The following RSPH14 variants were observed in gnomAD, a reference collection of about 807,000 sequenced individuals.
The protein encoded by RSPH14 is rhabdoid tumor deletion region gene 1.
Under a neutral mutation model 26.7 loss-of-function variants are expected in RSPH14, and 20 were observed. The ratio of observed to expected loss-of-function variants is 0.75; its 90% confidence interval spans 0.53 to 1.09. RSPH14 has a LOEUF of 1.09. Ranked by LOEUF, RSPH14 falls within the 50% of genes least tolerant of loss-of-function variation. The pLI is 0.00. For synonymous variants in RSPH14, 177 were observed against 189.3 expected, an observed-to-expected ratio of 0.93 and a Z score of 0.53; for missense variants, 449 against 457.2, an observed-to-expected ratio of 0.98 and a Z score of 0.16.
the RSPH14 span, among the ~76,000 whole-genome samples, chr22:23,150,334 C>G: frequency 6.9e-6 from 1 of 145,468 alleles, no homozygotes; most frequent in Admixed American, 6.9e-5. Flanking sequence ...CAGAGTCTCG[C>G]TCTGTCGCCC....
At chr22:23,121,157 T>C (rs1207369557) in intron 4 of RSPH14, among the ~76,000 whole-genome samples, 1 of 152,188 alleles carries the variant, frequency 6.6e-6, no homozygotes, top group East Asian at 1.9e-4. Flanking sequence ...TGTGTGTTGC[T>C]TGTCTCTGCA....
At chr22:23,111,320 G>A (rs566184792) in intron 4 of RSPH14, among the ~76,000 whole-genome samples, 66 of 152,344 alleles carry the variant, frequency 4.3e-4, no homozygotes, top group African/African-American at 1.4e-3. Flanking sequence ...AGCAGGGGGT[G>A]CGGCCACAAA....
chr22:23,172,577 G>A, the RSPH14 span, among the ~76,000 whole-genome samples: 12 of 151,190 alleles, frequency 7.9e-5, no homozygotes, highest in African/African-American at 2.7e-4. Flanking sequence ...GGTAGTGGGT[G>A]CCTGTAGTCC....
intron 4 of RSPH14, among the ~76,000 whole-genome samples, chr22:23,075,925 C>T (rs2068496211): frequency 6.6e-6 from 1 of 152,118 alleles, no homozygotes; most frequent in Admixed American, 6.5e-5. Context: ...GTGAGGTCTG[C>T]CCCTGTGAGT....
the RSPH14 span, chr22:23,160,895 A>T: frequency 3.3e-4 from 532 of 1,613,758 alleles, 3 homozygotes; most frequent in African/African-American, 6.6e-3. Flanking sequence ...ACGTGAAGGC[A>T]TTCTTCAGCC....
the RSPH14 span, chr22:23,153,170 T>G: frequency 1.3e-6 from 2 of 1,489,546 alleles, no homozygotes. Context: ...CGTGGGCAGC[T>G]TCCTACAGGC....
chr22:23,115,404 G>A (rs1460635851), intron 4 of RSPH14, among the ~76,000 whole-genome samples: 2 of 152,228 alleles, frequency 1.3e-5, no homozygotes, highest in African/African-American at 2.4e-5. Context: ...TCTCTGGGGT[G>A]TGTGCAAGGG....
chr22:23,096,170 G>C, intron 4 of RSPH14: 1 of 1,613,158 alleles, frequency 6.2e-7, no homozygotes, highest in Non-Finnish European at 8.5e-7. Flanking sequence ...CTACCTGAAC[G>C]ACCTGGAGCG....
chr22:23,170,570 G>GT, the RSPH14 span, among the ~76,000 whole-genome samples: 1 of 73,012 alleles, frequency 1.4e-5, no homozygotes, highest in East Asian at 4.6e-4. Flanking sequence ...GCAACATGGT[G>GT]AAAAAAAAAC....
At chr22:23,147,065 C>A (rs895727565), upstream of RSPH14, among the ~76,000 whole-genome samples, 1 of 152,146 alleles carries the variant, frequency 6.6e-6, no homozygotes, top group Non-Finnish European at 1.5e-5. Flanking sequence ...TGCAGGAGCT[C>A]CCCTGCAGTC....
chr22:23,158,589 G>A, the RSPH14 span, among the ~76,000 whole-genome samples: 1 of 152,320 alleles, frequency 6.6e-6, no homozygotes, highest in East Asian at 1.9e-4. Flanking sequence ...TGAGGGAGGC[G>A]GGGGTGATGG....
At chr22:23,158,708 C>A in the RSPH14 span, among the ~76,000 whole-genome samples, 10 of 152,280 alleles carry the variant, frequency 6.6e-5, no homozygotes, top group South Asian at 2.1e-3. Flanking sequence ...GTATTCCCAC[C>A]CCTTTGGGTC....
intron 4 of RSPH14, among the ~76,000 whole-genome samples, chr22:23,069,592 G>T (rs1228584204): frequency 2.0e-5 from 3 of 152,160 alleles, no homozygotes; most frequent in Non-Finnish European, 4.4e-5. Context: ...GCTCTCTCAC[G>T]CTTGTCTGGG....
At chr22:23,152,569 C>G in the RSPH14 span, 1 of 1,583,650 alleles carries the variant, frequency 6.3e-7, no homozygotes, top group Middle Eastern at 1.7e-4. Context: ...CCCCCAGCAC[C>G]AGGTTGTCAT....
At chr22:23,137,504 T>C (rs1432886175) in intron 3 of RSPH14, among the ~76,000 whole-genome samples, 1 of 152,068 alleles carries the variant, frequency 6.6e-6, no homozygotes, top group African/African-American at 2.4e-5. Context: ...TCAGGGCAGC[T>C]ACTTAGAGCT....
intron 4 of RSPH14, among the ~76,000 whole-genome samples, chr22:23,122,005 A>G (rs1212693360): frequency 2.0e-5 from 3 of 152,204 alleles, no homozygotes; most frequent in African/African-American, 7.2e-5. Context: ...TGCTGGGATT[A>G]CAGGTGTGAG....
intron 4 of RSPH14, among the ~76,000 whole-genome samples, chr22:23,075,128 G>A (rs1433778474): frequency 6.6e-6 from 1 of 152,202 alleles, no homozygotes; most frequent in African/African-American, 2.4e-5. Context: ...TATTGGGGAT[G>A]TAGTGGCCCC....
At chr22:23,135,840 G>A (rs73386682) in intron 3 of RSPH14, among the ~76,000 whole-genome samples, 5 of 152,214 alleles carry the variant, frequency 3.3e-5, no homozygotes, top group African/African-American at 1.2e-4. Flanking sequence ...GGGCCTGAAT[G>A]CATCTGAAAG....
At chr22:23,153,517 G>A in the RSPH14 span, 3 of 967,596 alleles carry the variant, frequency 3.1e-6, no homozygotes, top group African/African-American at 5.3e-5. Flanking sequence ...CTGAGCCTCT[G>A]TTCCCACCTG....
Sources: allele counts gnomAD v4.1 joint callset (sites outside exome capture counted in the v4.1 genomes callset), GRCh38; gene constraint gnomAD v4.1.1; transcripts MANE v1.5; gene names NCBI Gene and HGNC (gene_info 2026-07-23, HGNC 2026-07-21).